The following GUCY1B1 variants were observed in gnomAD, a reference collection of about 807,000 sequenced individuals.
GUCY1B1 encodes guanylate cyclase soluble subunit beta-1.
Under a neutral mutation model 71.0 loss-of-function variants are expected in GUCY1B1, and 43 were observed. The observed-to-expected ratio is 0.61, with a 90% CI of 0.47 to 0.78. The LOEUF (loss-of-function observed/expected upper bound fraction) is 0.78, where lower values mean the gene tolerates loss of function less well. Ranked by LOEUF, GUCY1B1 falls within the 30% of genes least tolerant of loss-of-function variation. The probability of loss-of-function intolerance (pLI) is 0.00; values close to 1 mark genes in which losing one functional copy is unlikely to be tolerated. For missense variants in GUCY1B1, 535 were observed against 754.1 expected (o/e 0.71, Z 3.40); for synonymous variants, 266 against 259.7 (o/e 1.02, Z -0.23).
At chr4:155,797,219 A>T (rs1739615924) in intron 8 of GUCY1B1, among the ~76,000 whole-genome samples, 1 of 152,194 alleles carries the variant, frequency 6.6e-6, no homozygotes, top group Non-Finnish European at 1.5e-5. Context: ...GTGTATTCAT[A>T]ATTTTGTATA....
At chr4:155,784,653 C>T (rs2111080440) in intron 4 of GUCY1B1, among the ~76,000 whole-genome samples, 1 of 152,206 alleles carries the variant, frequency 6.6e-6, no homozygotes, top group Admixed American at 6.5e-5. Flanking sequence ...CAGTAATATT[C>T]TCAACACAGA....
intron 2 of GUCY1B1, among the ~76,000 whole-genome samples, chr4:155,772,202 T>C (rs1579200526): frequency 6.6e-6 from 1 of 152,284 alleles, no homozygotes; most frequent in East Asian, 1.9e-4. Context: ...TTAACAGCTG[T>C]TTATGTTTGG....
At chr4:155,805,035 A>T in intron 12 of GUCY1B1, 68 bp from the exon 13 acceptor site, 1 of 1,374,034 alleles carries the variant, frequency 7.3e-7, no homozygotes, top group Non-Finnish European at 1.0e-6. Context: ...TTATAACATG[A>T]TACATGTCAC....
At chr4:155,774,133 T>C (rs946172490) in intron 2 of GUCY1B1, among the ~76,000 whole-genome samples, 1 of 152,164 alleles carries the variant, frequency 6.6e-6, no homozygotes, top group African/African-American at 2.4e-5. Flanking sequence ...ATGTCACAAG[T>C]GCTCAAGCCC....
At chr4:155,794,362 C>G (rs1225007218) in intron 6 of GUCY1B1, among the ~76,000 whole-genome samples, 1 of 152,004 alleles carries the variant, frequency 6.6e-6, no homozygotes, top group South Asian at 2.1e-4. Flanking sequence ...AAATGGGTAA[C>G]TTTTTAGTAA....
In GUCY1B1 at chr4:155,775,053, G is replaced by A. The variant is rs761705479; in HGVS notation, c.163G>A (p.Ala55Thr). Reference sequence around the variant, plus strand: ...CAAAACTTATGATTTGGTTGCTGCTGCAAGCAAAGTCCTCAGTAAGTTGAA... The same window carrying A: ...CAAAACTTATGATTTGGTTGCTGCTACAAGCAAAGTCCTCAGTAAGTTGAA... ...DSKTYDLVAA[A>T]SKVLNLNAGE... The change falls in exon 3 of 14, where the codon GCA becomes ACA. Residue 55 changes from alanine (A) to threonine (T), a missense_variant. Coordinates refer to ENST00000264424, the MANE Select transcript of GUCY1B1 (RefSeq NM_000857.5). 6.3e-7 allele frequency: 1 copy of A among 1,582,464 alleles called. No individual in the cohort carries two copies. Among genetic ancestry groups the A allele is most frequent in the South Asian group, 1.1e-5 (1 of 90,492 alleles).
intron 4 of GUCY1B1, among the ~76,000 whole-genome samples, chr4:155,780,161 CTG>C (rs1203568332): frequency 3.3e-5 from 5 of 152,152 alleles, no homozygotes. Context: ...TCACTGGAAA[CTG>C]TCAAAATATT....
chr4:155,786,060 A>G (rs955242757), intron 4 of GUCY1B1, among the ~76,000 whole-genome samples: 1 of 151,974 alleles, frequency 6.6e-6, no homozygotes, highest in African/African-American at 2.4e-5. Flanking sequence ...TTGCCCCAGC[A>G]TAAGTGGTGC....
chr4:155,785,387 T>C, intron 4 of GUCY1B1: 1 of 760,210 alleles, frequency 1.3e-6, no homozygotes, highest in Non-Finnish European at 2.2e-6. Context: ...GACATACTTC[T>C]TTGCAATTGG....
In GUCY1B1 at chr4:155,759,235, C is replaced by T. The variant is rs545326307; in HGVS notation, c.3+92C>T. The T allele has an allele frequency of 3.5e-5, 46 of 1,325,520 alleles. No homozygotes were observed. In the Admixed American group the frequency reaches 5.4e-4, roughly 15 times the overall value. The allele number at this position is 1,325,520 out of a possible 1,614,324, so 82.1% of individuals were successfully genotyped here. ...CTGGCCGCGCAGCCGGAGCTTGGCT[C>T]GGGGGCCCTGGGCGCTCACTGCCGG... On this transcript the variant is annotated intron_variant, in intron 1 of 13. Coordinates refer to ENST00000264424, the MANE Select transcript of GUCY1B1 (RefSeq NM_000857.5).
chr4:155,786,358 C>T (rs1413698192), intron 4 of GUCY1B1, among the ~76,000 whole-genome samples: 1 of 148,894 alleles, frequency 6.7e-6, no homozygotes, highest in Non-Finnish European at 1.5e-5. Context: ...ACTGCAACCT[C>T]CACCTCCTGG....
chr4:155,792,735 G>C (rs1457131655), intron 5 of GUCY1B1, among the ~76,000 whole-genome samples: 1 of 151,890 alleles, frequency 6.6e-6, no homozygotes, highest in East Asian at 1.9e-4. Flanking sequence ...TTTGGGTCTG[G>C]TTGCCGTTGA....
At chr4:155,785,217 G>C (rs1215646615) in intron 4 of GUCY1B1, 1 of 749,808 alleles carries the variant, frequency 1.3e-6, no homozygotes, top group Admixed American at 2.2e-5. Context: ...TAGATGAATG[G>C]ACCTACTCTC....
chr4:155,774,750 A>T (rs984386145), intron 2 of GUCY1B1, among the ~76,000 whole-genome samples: 6 of 152,176 alleles, frequency 3.9e-5, no homozygotes, highest in Admixed American at 6.5e-5. Context: ...GCTAAAATAT[A>T]CTTAAATATA....
intron 7 of GUCY1B1, 62 bp downstream of exon 7, chr4:155,795,519 G>C: frequency 1.3e-6 from 1 of 787,280 alleles, no homozygotes; most frequent in Non-Finnish European, 2.2e-6. Context: ...AAGTATTCAG[G>C]GGGGAAAATT....
chr4:155,803,585 TTA>T, intron 10 of GUCY1B1, 37 bp from the exon 11 acceptor site: 1 of 1,370,254 alleles, frequency 7.3e-7, no homozygotes, highest in Non-Finnish European at 9.6e-7. Context: ...ACAGTCTTTT[TTA>T]TGCTAACCGT....
In GUCY1B1 at chr4:155,804,708, G is replaced by A. The variant is rs1371753022; in HGVS notation, c.1670G>A (p.Gly557Glu). 1 of 1,613,284 alleles carries A rather than the reference G, an allele frequency of 6.2e-7. No individual in the cohort carries two copies. Among genetic ancestry groups the A allele is most frequent in the Non-Finnish European group, 8.5e-7 (1 of 1,179,506 alleles). ...VNLTSRTETT[G>E]EKGKINVSEY... Reference sequence around the variant, plus strand: ...CTCACAAGCCGAACAGAAACCACAGGAGAAAAGGGAAAAATAAATGTGTCT... The same window carrying A: ...CTCACAAGCCGAACAGAAACCACAGAAGAAAAGGGAAAAATAAATGTGTCT... Residue 557 changes from glycine to glutamate, a missense_variant, in exon 12 of 14, where the codon GGA becomes GAA. Transcript: ENST00000264424.
chr4:155,765,668 T>C (rs900509137), intron 2 of GUCY1B1, among the ~76,000 whole-genome samples: 5 of 152,188 alleles, frequency 3.3e-5, no homozygotes, highest in African/African-American at 1.2e-4. Context: ...AATTGTTAAA[T>C]TTATTGAAAT....
intron 2 of GUCY1B1, among the ~76,000 whole-genome samples, chr4:155,769,181 C>T (rs577284230): frequency 5.9e-5 from 9 of 152,114 alleles, no homozygotes; most frequent in Non-Finnish European, 7.4e-5. Flanking sequence ...ACACAATGAC[C>T]GGAGGTAACT....
Sources: allele counts gnomAD v4.1 joint callset (sites outside exome capture counted in the v4.1 genomes callset), GRCh38; gene constraint gnomAD v4.1.1; transcripts MANE v1.5; gene names NCBI Gene and HGNC (gene_info 2026-07-23, HGNC 2026-07-21).